Variants in NLGN1 observed in about 807,000 individuals in gnomAD.
The protein encoded by NLGN1 is neuroligin-1.
In NLGN1, 12 loss-of-function variants were observed where a neutral mutation model predicts 65.5. That is an observed-to-expected ratio of 0.18 (90% CI 0.12 to 0.30). The LOEUF is 0.30. Ranked by LOEUF, NLGN1 falls within the 10% of genes least tolerant of loss-of-function variation. The pLI is 1.00. For synonymous variants in NLGN1, 350 were observed against 359.5 expected (o/e 0.97, Z 0.30); for missense variants, 750 against 1,007.1 (o/e 0.74, Z 3.46).
chr3:173,820,737 C>T (rs1286815545), intron 4 of NLGN1, among the ~76,000 whole-genome samples: 1 of 152,098 alleles, frequency 6.6e-6, no homozygotes, highest in Non-Finnish European at 1.5e-5. Context: ...ATTTTCGGAC[C>T]ATGGTTGACC....
At chr3:173,655,871 A>G (rs1197622238) in intron 3 of NLGN1, among the ~76,000 whole-genome samples, 1 of 152,156 alleles carries the variant, frequency 6.6e-6, no homozygotes, top group East Asian at 1.9e-4. Context: ...CAACTTGAAC[A>G]AAGAATTGGA....
chr3:174,148,296 T>C (rs562931661), intron 4 of NLGN1, among the ~76,000 whole-genome samples: 1 of 152,278 alleles, frequency 6.6e-6, no homozygotes, highest in South Asian at 2.1e-4. Context: ...GGGGACACAA[T>C]ATGTCCTAGA....
At chr3:173,444,987 C>T (rs867785164) in intron 2 of NLGN1, among the ~76,000 whole-genome samples, 4 of 151,576 alleles carry the variant, frequency 2.6e-5, no homozygotes, top group East Asian at 1.9e-4. Flanking sequence ...AGGACTTGGC[C>T]GGGCGCGGTC....
intron 4 of NLGN1, among the ~76,000 whole-genome samples, chr3:174,181,878 A>C (rs1730490343): frequency 6.9e-6 from 1 of 145,460 alleles, no homozygotes; most frequent in African/African-American, 2.5e-5. Flanking sequence ...TGGGATGCTG[A>C]GGTGGGAAAA....
chr3:173,981,999 A>T (rs1312610543), intron 4 of NLGN1, among the ~76,000 whole-genome samples: 7 of 152,068 alleles, frequency 4.6e-5, no homozygotes, highest in Non-Finnish European at 1.0e-4. Flanking sequence ...GTCACATTTG[A>T]AAAAAATCTG....
chr3:174,101,272 A>C (rs1430038906), intron 4 of NLGN1, among the ~76,000 whole-genome samples: 1 of 152,184 alleles, frequency 6.6e-6, no homozygotes, highest in African/African-American at 2.4e-5. Context: ...AGGATTCATG[A>C]ATCAGGCAAA....
chr3:173,735,839 A>G (rs950420576), intron 3 of NLGN1, among the ~76,000 whole-genome samples: 1 of 152,076 alleles, frequency 6.6e-6, no homozygotes, highest in Non-Finnish European at 1.5e-5. Context: ...AATTTTTTTA[A>G]AATACCTTTT....
chr3:173,670,011 TA>T (rs1030694013), intron 3 of NLGN1, among the ~76,000 whole-genome samples: 1 of 152,176 alleles, frequency 6.6e-6, no homozygotes, highest in African/African-American at 2.4e-5. Flanking sequence ...TTTAATATAC[TA>T]AAAAAAGTGT....
intron 2 of NLGN1, among the ~76,000 whole-genome samples, chr3:173,489,592 A>G (rs1728759935): frequency 6.6e-6 from 1 of 152,150 alleles, no homozygotes; most frequent in Non-Finnish European, 1.5e-5. Flanking sequence ...TCCTTTGGGT[A>G]TATACCCAGT....
intron 2 of NLGN1, among the ~76,000 whole-genome samples, chr3:173,456,145 A>C (rs994387998): frequency 6.6e-6 from 1 of 152,174 alleles, no homozygotes; most frequent in Non-Finnish European, 1.5e-5. Flanking sequence ...ATGTTTAACC[A>C]GATATTCGGG....
intron 4 of NLGN1, among the ~76,000 whole-genome samples, chr3:174,190,816 A>C (rs575581868): frequency 6.6e-6 from 1 of 152,148 alleles, no homozygotes; most frequent in African/African-American, 2.4e-5. Flanking sequence ...TTTCTAAACA[A>C]GTTTTTCTCC....
chr3:173,686,936 G>C (rs1324062863), intron 3 of NLGN1, among the ~76,000 whole-genome samples: 1 of 151,804 alleles, frequency 6.6e-6, no homozygotes, highest in Non-Finnish European at 1.5e-5. Flanking sequence ...CCAGGTGACA[G>C]AGCAAGACTC....
At chr3:173,709,480 CATGT>C (rs1248673374) in intron 3 of NLGN1, among the ~76,000 whole-genome samples, 1 of 152,054 alleles carries the variant, frequency 6.6e-6, no homozygotes, top group Non-Finnish European at 1.5e-5. Context: ...ACAGTATACA[CATGT>C]ATGTATCTAG....
At chr3:173,882,036 G>T (rs1733441793) in intron 4 of NLGN1, among the ~76,000 whole-genome samples, 1 of 152,154 alleles carries the variant, frequency 6.6e-6, no homozygotes, top group African/African-American at 2.4e-5. Flanking sequence ...TGAGTATTGT[G>T]TTAGCAGGCA....
chr3:173,613,500 C>T (rs866584237), intron 3 of NLGN1, among the ~76,000 whole-genome samples: 6 of 152,014 alleles, frequency 3.9e-5, no homozygotes, highest in South Asian at 4.1e-4. Flanking sequence ...GACTTTGTGT[C>T]AACAAAATGA....
intron 4 of NLGN1, among the ~76,000 whole-genome samples, chr3:174,266,758 CTT>C (rs1748325537): frequency 6.6e-6 from 1 of 152,122 alleles, no homozygotes; most frequent in Non-Finnish European, 1.5e-5. Flanking sequence ...TTTGCCAACT[CTT>C]TTCCATGGAA....
chr3:174,158,307 C>T (rs1016984415), intron 4 of NLGN1, among the ~76,000 whole-genome samples: 9 of 151,632 alleles, frequency 5.9e-5, no homozygotes, highest in Non-Finnish European at 1.2e-4. Flanking sequence ...TTTATTTGAG[C>T]GTGTATTCCT....
At chr3:173,418,317 A>G (rs7635950) in intron 1 of NLGN1, among the ~76,000 whole-genome samples, 13,380 of 148,426 alleles carry the variant, frequency 0.09, 727 homozygotes, top group African/African-American at 0.15. Context: ...TTTTCTGTTA[A>G]CTATGAACTG....
At chr3:174,003,675 T>C (rs1051807168) in intron 4 of NLGN1, among the ~76,000 whole-genome samples, 12 of 152,094 alleles carry the variant, frequency 7.9e-5, no homozygotes, top group Admixed American at 7.9e-4. Context: ...ACAAATAGGA[T>C]TTGTTTTTAT....
Sources: allele counts gnomAD v4.1 joint callset (sites outside exome capture counted in the v4.1 genomes callset), GRCh38; gene constraint gnomAD v4.1.1; transcripts MANE v1.5; gene names NCBI Gene and HGNC (gene_info 2026-07-23, HGNC 2026-07-21).